Variants in ACOT12 observed in about 807,000 individuals in gnomAD.
The protein encoded by ACOT12 is acetyl-coenzyme A thioesterase.
Under a neutral mutation model 67.7 loss-of-function variants are expected in ACOT12, and 51 were observed. That is an observed-to-expected ratio of 0.75 (90% CI 0.60 to 0.95). The LOEUF (loss-of-function observed/expected upper bound fraction) is 0.95. Among genes scored for constraint, ACOT12 ranks in the 40% least tolerant of loss-of-function variants. The probability of loss-of-function intolerance (pLI) is 0.00; values close to 1 mark genes in which losing one functional copy is unlikely to be tolerated. For missense variants in ACOT12, 734 were observed against 708.1 expected, an observed-to-expected ratio of 1.04 and a Z score of -0.41; for synonymous variants, 251 against 244.6, an observed-to-expected ratio of 1.03 and a Z score of -0.24.
At chr5:81,378,735 C>T (rs1760492281) in intron 2 of ACOT12, among the ~76,000 whole-genome samples, 1 of 152,152 alleles carries the variant, frequency 6.6e-6, no homozygotes, top group South Asian at 2.1e-4. Context: ...AGAAAAAAAG[C>T]TCATCATCAC....
At chr5:81,312,491 G>T in the ACOT12 span, 3 of 1,362,428 alleles carry the variant, frequency 2.2e-6, no homozygotes, top group Non-Finnish European at 3.1e-6. Flanking sequence ...AATCTGAGTG[G>T]ATGCATTTGA....
At chr5:81,323,922 G>GTA in the ACOT12 span, among the ~76,000 whole-genome samples, 36 of 138,802 alleles carry the variant, frequency 2.6e-4, no homozygotes, top group Non-Finnish European at 5.0e-4. Context: ...ATATATACGT[G>GTA]TATATATACA....
At chr5:81,386,839 T>A (rs1382693115) in intron 1 of ACOT12, among the ~76,000 whole-genome samples, 1 of 152,008 alleles carries the variant, frequency 6.6e-6, no homozygotes, top group African/African-American at 2.4e-5. Flanking sequence ...CTGTCTAGGA[T>A]CTAATTCTGC....
At chr5:81,319,402 G>A in the ACOT12 span, among the ~76,000 whole-genome samples, 2 of 152,170 alleles carry the variant, frequency 1.3e-5, no homozygotes, top group Admixed American at 1.3e-4. Flanking sequence ...CAATTTTAGA[G>A]CATCTTCAAC....
At chr5:81,369,131 T>C (rs1310082022) in intron 3 of ACOT12, among the ~76,000 whole-genome samples, 2 of 151,752 alleles carry the variant, frequency 1.3e-5, no homozygotes, top group Non-Finnish European at 2.9e-5. Context: ...ATAAAACTGA[T>C]TCTTAAAGAC....
chr5:81,351,665 C>G (rs1759556194), intron 5 of ACOT12, among the ~76,000 whole-genome samples: 1 of 152,116 alleles, frequency 6.6e-6, no homozygotes, highest in African/African-American at 2.4e-5. Flanking sequence ...AGGAAAACAT[C>G]AGGGAAACTC....
the ACOT12 span, chr5:81,309,088 T>A: frequency 7.3e-7 from 1 of 1,370,796 alleles, no homozygotes; most frequent in Non-Finnish European, 1.0e-6. Flanking sequence ...ATCGTGCAGT[T>A]GTGATTTAAT....
intron 1 of ACOT12, among the ~76,000 whole-genome samples, chr5:81,393,407 G>A (rs987101139): frequency 6.6e-5 from 10 of 152,200 alleles, no homozygotes; most frequent in African/African-American, 2.4e-4. Context: ...ATAAACAAAA[G>A]CTGCCTGGGT....
At chr5:81,310,458 A>G in the ACOT12 span, among the ~76,000 whole-genome samples, 9 of 152,188 alleles carry the variant, frequency 5.9e-5, no homozygotes, top group Admixed American at 5.2e-4. Context: ...TATGTTAAAA[A>G]TAAAGTCAAG....
At chr5:81,373,585 C>T (rs1009564270) in intron 2 of ACOT12, among the ~76,000 whole-genome samples, 13 of 152,192 alleles carry the variant, frequency 8.5e-5, no homozygotes, top group Non-Finnish European at 1.2e-4. Context: ...GCGGGTCCCA[C>T]GCTCACGGAG....
At chr5:81,309,022 A>T in the ACOT12 span, 2 of 1,612,190 alleles carry the variant, frequency 1.2e-6, no homozygotes, top group Non-Finnish European at 1.7e-6. Flanking sequence ...ATAATCCCAA[A>T]GGACTCTATG....
chr5:81,323,731 G>A, the ACOT12 span, among the ~76,000 whole-genome samples: 22 of 151,806 alleles, frequency 1.4e-4, no homozygotes, highest in African/African-American at 5.1e-4. Flanking sequence ...GAGGAGAAAT[G>A]TGACATGATC....
chr5:81,321,900 T>C, the ACOT12 span, among the ~76,000 whole-genome samples: 3 of 152,144 alleles, frequency 2.0e-5, no homozygotes, highest in Admixed American at 2.0e-4. Context: ...TGAGTGGAGA[T>C]TGTGCCACTG....
At chr5:81,325,792 G>T (rs1430170370), downstream of ACOT12, among the ~76,000 whole-genome samples, 1 of 152,020 alleles carries the variant, frequency 6.6e-6, no homozygotes, top group Admixed American at 6.6e-5. Flanking sequence ...ACTGTGAAGG[G>T]TTTGAGAGTC....
At chr5:81,355,318 G>A (rs1034331173) in intron 5 of ACOT12, among the ~76,000 whole-genome samples, 8 of 151,964 alleles carry the variant, frequency 5.3e-5, no homozygotes, top group East Asian at 3.9e-4. Flanking sequence ...ACCTTGCTTC[G>A]GCAAGCTGAG....
At position 81,347,754 on chromosome 5, in the gene ACOT12, C is replaced by T. The variant is rs760858911; in HGVS notation, c.653+20G>A. The T allele has an allele frequency of 1.5e-5, 24 of 1,610,400 alleles. No homozygotes were observed. Among genetic ancestry groups the T allele is most frequent in the Admixed American group, 6.7e-5 (4 of 59,754 alleles). On this transcript the variant is annotated intron_variant, in intron 6 of 14. Coordinates refer to ENST00000307624, the MANE Select transcript of ACOT12 (RefSeq NM_130767.3). ...CCTCACTGGTCCCAAAATCATAGGC[C>T]GAAGGTCAAAACCAAGAACCTTGCA...
chr5:81,320,137 T>C, the ACOT12 span, among the ~76,000 whole-genome samples: 1 of 152,202 alleles, frequency 6.6e-6, no homozygotes, highest in Non-Finnish European at 1.5e-5. Context: ...AATTTATTTT[T>C]CAATCTCCTT....
At position 81,389,765 on chromosome 5, in the gene ACOT12, G is replaced by A. The variant is rs530504529; in HGVS notation, c.128-3939C>T. ...TGGTCTTGAACTTCTGACCTCAGGTGATTTGCCTGCCTCAGCCTCCCAAAG... is the reference window on the plus strand; with the variant it reads ...TGGTCTTGAACTTCTGACCTCAGGTAATTTGCCTGCCTCAGCCTCCCAAAG... On this transcript the variant is annotated intron_variant, in intron 1 of 14. Coordinates refer to ENST00000307624, the MANE Select transcript of ACOT12 (RefSeq NM_130767.3). 2.0e-5 allele frequency among the ~76,000 whole-genome samples: 3 copies of A among 152,114 alleles called. No homozygotes were observed. In the East Asian group the frequency reaches 5.8e-4, roughly 30 times the overall value.
the ACOT12 span, chr5:81,308,744 A>G: frequency 6.3e-7 from 1 of 1,589,716 alleles, no homozygotes; most frequent in African/African-American, 1.4e-5. Flanking sequence ...TGTTTTGTTC[A>G]TGGGGAAAGC....
Sources: gnomAD v4.1 joint callset for allele counts (sites outside exome capture counted in the v4.1 genomes callset) on GRCh38, gnomAD v4.1.1 for gene constraint, MANE v1.5 for transcripts, NCBI Gene and HGNC (gene_info 2026-07-23, HGNC 2026-07-21) for gene names.